Variants in RFTN2 observed in about 807,000 individuals in gnomAD.
RFTN2 encodes the protein raftlin family member 2, also known as raftlin-2.
RFTN2 carries 34 observed loss-of-function variants against 52.7 expected under a neutral mutation model. That is an observed-to-expected ratio of 0.64 (90% CI 0.49 to 0.86). RFTN2 has a LOEUF of 0.86. Ranked by LOEUF, RFTN2 falls within the 40% of genes least tolerant of loss-of-function variation. The pLI, the probability that RFTN2 is intolerant of heterozygous loss-of-function variation, is 0.00. For synonymous variants in RFTN2, 203 were observed against 217.7 expected (o/e 0.93, Z 0.59); for missense variants, 536 against 600.1 (o/e 0.89, Z 1.12).
At chr2:197,618,099 C>G in intron 5 of RFTN2, 178 bp from the exon 6 acceptor site, 1 of 329,444 alleles carries the variant, frequency 3.0e-6, no homozygotes, top group Non-Finnish European at 5.5e-6. Context: ...CACGGTCTCC[C>G]TCTCCCTCTC....
At chr2:197,636,983 A>G (rs1250100687) in intron 3 of RFTN2, among the ~76,000 whole-genome samples, 1 of 152,178 alleles carries the variant, frequency 6.6e-6, no homozygotes, top group East Asian at 1.9e-4. Flanking sequence ...CCTTTTCTGC[A>G]TCTATTGAGA....
chr2:197,591,781 C>T (rs902068205), intron 8 of RFTN2, among the ~76,000 whole-genome samples: 4 of 152,206 alleles, frequency 2.6e-5, no homozygotes, highest in African/African-American at 9.7e-5. Flanking sequence ...CCGGCGCACC[C>T]TCCATAGCTG....
rs918005390 is a variant in RFTN2, at chr2:197,569,972, G to A, written c.*2036C>T. The A allele has an allele frequency of 6.7e-6, 1 of 148,818 alleles. No individual in the cohort carries two copies. The highest frequency in any genetic ancestry group is 1.5e-5 in the Non-Finnish European group (1 of 67,054). 9.2% of individuals were successfully genotyped at this position (148,818 alleles called of 1,614,324 possible). A position where few individuals can be genotyped will look rare whatever the true frequency, so the allele number is the denominator to read the frequency against. On this transcript the variant is annotated 3_prime_UTR_variant, in exon 9 of 9. Coordinates refer to ENST00000295049, the MANE Select transcript of RFTN2 (RefSeq NM_144629.3). ...AAAAAAGTTATTGCTATATTTCTGA[G>A]TTTTTTCTTAGTCAAATATAAATTC...
intron 1 of RFTN2, among the ~76,000 whole-genome samples, chr2:197,660,880 G>C (rs547888747): frequency 6.6e-6 from 1 of 152,062 alleles, no homozygotes; most frequent in South Asian, 2.1e-4. Flanking sequence ...ATTTCTATGT[G>C]TTAGGAACAA....
intron 8 of RFTN2, among the ~76,000 whole-genome samples, chr2:197,591,257 G>A (rs765794691): frequency 6.6e-6 from 1 of 152,100 alleles, no homozygotes; most frequent in African/African-American, 2.4e-5. Flanking sequence ...GTGCCGATTG[G>A]TGTATTCACA....
intron 8 of RFTN2, among the ~76,000 whole-genome samples, chr2:197,590,299 T>C (rs1298325730): frequency 1.3e-5 from 2 of 152,156 alleles, no homozygotes; most frequent in South Asian, 2.1e-4. Context: ...ATTCTCTTAA[T>C]AGCTTAGAGA....
At chr2:197,663,168 T>C (rs1465398177) in intron 1 of RFTN2, among the ~76,000 whole-genome samples, 1 of 152,198 alleles carries the variant, frequency 6.6e-6, no homozygotes, top group African/African-American at 2.4e-5. Flanking sequence ...AATTAAACCA[T>C]GTTTGCATCA....
chr2:197,617,700 C>A (rs2088167849), intron 6 of RFTN2, 100 bp downstream of exon 6: 1 of 440,348 alleles, frequency 2.3e-6, no homozygotes. Flanking sequence ...AAAACAAAAA[C>A]AAACAAACAA....
chr2:197,580,877 T>C (rs6715105), intron 8 of RFTN2, among the ~76,000 whole-genome samples: 107,522 of 151,832 alleles, frequency 0.71, 38,787 homozygotes, highest in Middle Eastern at 0.86. Flanking sequence ...CTTATTAGGC[T>C]GACACATTTT....
chr2:197,616,003 C>A, intron 6 of RFTN2, 24 bp from the exon 7 acceptor site: 2 of 1,407,898 alleles, frequency 1.4e-6, no homozygotes, highest in South Asian at 2.5e-5. Context: ...TATAAGAGCT[C>A]ATAGTCTAAT....
At chr2:197,579,886 C>T (rs1356412046) in intron 8 of RFTN2, among the ~76,000 whole-genome samples, 2 of 152,122 alleles carry the variant, frequency 1.3e-5, no homozygotes, top group African/African-American at 4.8e-5. Flanking sequence ...GTCTGGCTTA[C>T]AGTTTTGTTC....
chr2:197,640,404 C>A (rs1198058860), intron 3 of RFTN2, among the ~76,000 whole-genome samples: 1 of 152,248 alleles, frequency 6.6e-6, no homozygotes, highest in African/African-American at 2.4e-5. Context: ...GGGCGTAGGA[C>A]CCTCCGAGCC....
intron 4 of RFTN2, among the ~76,000 whole-genome samples, chr2:197,632,886 A>G (rs1186195914): frequency 6.6e-6 from 1 of 152,206 alleles, no homozygotes; most frequent in African/African-American, 2.4e-5. Flanking sequence ...AATAGCAGTT[A>G]ATATAGAGTT....
At chr2:197,599,406 G>A (rs1165517883) in intron 7 of RFTN2, among the ~76,000 whole-genome samples, 2 of 152,176 alleles carry the variant, frequency 1.3e-5, no homozygotes, top group Admixed American at 1.3e-4. Context: ...GAATGTGGGC[G>A]AGGAGTTACT....
chr2:197,667,475 T>C (rs1393839245), intron 1 of RFTN2, among the ~76,000 whole-genome samples: 1 of 152,258 alleles, frequency 6.6e-6, no homozygotes, highest in Non-Finnish European at 1.5e-5. Flanking sequence ...CTGAGGATTA[T>C]TGCAGTTGGA....
At chr2:197,666,323 G>A (rs747105910) in intron 1 of RFTN2, among the ~76,000 whole-genome samples, 6 of 152,294 alleles carry the variant, frequency 3.9e-5, no homozygotes. Flanking sequence ...GACCTTAAGT[G>A]CCTTGGCCTC....
At chr2:197,642,928 A>G (rs1383979977) in intron 3 of RFTN2, among the ~76,000 whole-genome samples, 2 of 152,216 alleles carry the variant, frequency 1.3e-5, no homozygotes, top group African/African-American at 2.4e-5. Flanking sequence ...GCAGCGAGCT[A>G]TGATTGTGCC....
intron 7 of RFTN2, among the ~76,000 whole-genome samples, chr2:197,611,185 T>G (rs1559348419): frequency 6.6e-6 from 1 of 152,202 alleles, no homozygotes; most frequent in Non-Finnish European, 1.5e-5. Context: ...TCAGAAGGAA[T>G]GGTACCAGCT....
chr2:197,658,177 ATATT>A (rs1194236195), intron 1 of RFTN2, among the ~76,000 whole-genome samples: 1 of 104,466 alleles, frequency 9.6e-6, no homozygotes, highest in South Asian at 3.2e-4. Flanking sequence ...TTTTTAAAAA[ATATT>A]TTTTTTTTTT....
Sources: allele counts gnomAD v4.1 joint callset (sites outside exome capture counted in the v4.1 genomes callset), GRCh38; gene constraint gnomAD v4.1.1; transcripts MANE v1.5; gene names NCBI Gene and HGNC (gene_info 2026-07-23, HGNC 2026-07-21).